Variants in EXOC1 observed in about 807,000 individuals in gnomAD.
EXOC1 encodes the protein exocyst complex component 1.
In EXOC1, 67 loss-of-function variants were observed where a neutral mutation model predicts 107.7. The ratio of observed to expected loss-of-function variants is 0.62; its 90% CI spans 0.51 to 0.76. EXOC1 has a LOEUF of 0.76. Ranked by LOEUF, EXOC1 falls within the 30% of genes least tolerant of loss-of-function variation. The pLI is 0.00. For synonymous variants in EXOC1, 348 were observed against 353.5 expected (o/e 0.98, Z 0.17); for missense variants, 833 against 1,055.7 (o/e 0.79, Z 2.92).
In EXOC1 at chr4:55,885,911, T is replaced by C. The variant is rs138455019; in HGVS notation, c.1330+1983T>C. Reference sequence around the variant, plus strand: ...AAAGATATCTTTTCAGTGATTCAAATTGTGTTTGAATGAATTTTTCATACT... The same window carrying C: ...AAAGATATCTTTTCAGTGATTCAAACTGTGTTTGAATGAATTTTTCATACT... On this transcript the variant is annotated intron_variant, in intron 10 of 18. Coordinates refer to ENST00000381295, the MANE Select transcript of EXOC1 (RefSeq NM_001024924.2). 1.4e-3 allele frequency among the ~76,000 whole-genome samples: 210 copies of C among 152,304 alleles called. 7 individuals are homozygous for C. In the East Asian group the frequency reaches 0.035, roughly 25 times the overall value.
At chr4:55,877,506 A>T (rs73238384) in intron 8 of EXOC1, 76,385 of 984,628 alleles carry the variant, frequency 0.078, 3,230 homozygotes, top group Non-Finnish European at 0.085. Context: ...CTCTAATGGG[A>T]ATACCATAAA....
rs934811349 is a variant in EXOC1 at position 55,875,677 on chromosome 4, G to A, written c.1075-2240G>A. On this transcript the variant is annotated intron_variant, in intron 8 of 18. Transcript: ENST00000381295. ...AATGAGGAAGATTGTTTTGGATAAC[G>A]ATACATTGTTACTAATAAAAACTAT... is the stretch of plus-strand genomic sequence containing the variant. 2.2e-5 allele frequency: 22 copies of A among 984,784 alleles called. No homozygotes were observed. In the South Asian group the frequency reaches 4.2e-4, roughly 19 times the overall value. The allele number at this position is 984,784 out of a possible 1,614,324, so 61.0% of individuals were successfully genotyped here. A position where few individuals can be genotyped will look rare whatever the true frequency, so the allele number is the denominator to read the frequency against.
intron 9 of EXOC1, 151 bp downstream of exon 9, chr4:55,878,217 C>G (rs540787444): frequency 3.4e-6 from 3 of 892,544 alleles, no homozygotes; most frequent in Non-Finnish European, 4.9e-6. Flanking sequence ...TGATAACATT[C>G]ATTTTATTAA....
chr4:55,892,577 CA>C, intron 13 of EXOC1, 57 bp from the exon 14 acceptor site: 1 of 1,418,368 alleles, frequency 7.1e-7, no homozygotes, highest in South Asian at 1.2e-5. Flanking sequence ...TTTGCTATAT[CA>C]ATACTAGTCA....
chr4:55,899,074 T>G (rs1725586044), intron 16 of EXOC1, among the ~76,000 whole-genome samples: 1 of 152,128 alleles, frequency 6.6e-6, no homozygotes, highest in Non-Finnish European at 1.5e-5. Flanking sequence ...ATCTTTTTAT[T>G]CTTTGTCAAC....
intron 18 of EXOC1, among the ~76,000 whole-genome samples, chr4:55,902,773 TTTGGTTGG>T (rs6148450): frequency 0.29 from 43,401 of 149,824 alleles, 6,642 homozygotes; most frequent in Non-Finnish European, 0.35. Context: ...TTTGTTTTTC[TTTGGTTGG>T]TTGGTTGGTT....
intron 14 of EXOC1, 56 bp from the exon 15 acceptor site, chr4:55,893,496 G>A (rs1724825925): frequency 4.1e-6 from 6 of 1,468,248 alleles, no homozygotes; most frequent in African/African-American, 1.4e-5. Context: ...AAAGTTAACG[G>A]TGAATTCACC....
intron 1 of EXOC1, among the ~76,000 whole-genome samples, chr4:55,856,265 C>G (rs190869425): frequency 1.3e-5 from 2 of 152,250 alleles, no homozygotes; most frequent in African/African-American, 4.8e-5. Context: ...AAAACAAGAT[C>G]AGCTGGTCTA....
chr4:55,875,640 T>C (rs1722828466), intron 8 of EXOC1: 2 of 985,194 alleles, frequency 2.0e-6, no homozygotes, highest in East Asian at 1.1e-4. Context: ...TCTTGAATCA[T>C]TGAGAAAAAT....
chr4:55,902,279 A>AT (rs1421561961), intron 17 of EXOC1, 65 bp from the exon 18 acceptor site: 2 of 1,258,420 alleles, frequency 1.6e-6, no homozygotes, highest in Admixed American at 3.6e-5. Flanking sequence ...TTGTAATCAG[A>AT]TTTTTTTAAT....
chr4:55,887,835 A>G (rs568880123), intron 10 of EXOC1, among the ~76,000 whole-genome samples: 7 of 152,100 alleles, frequency 4.6e-5, no homozygotes, highest in Non-Finnish European at 1.0e-4. Flanking sequence ...CAGATTGGCT[A>G]GCTAGTAGCT....
chr4:55,899,400 G>A (rs1489643065), intron 16 of EXOC1, among the ~76,000 whole-genome samples: 1 of 152,044 alleles, frequency 6.6e-6, no homozygotes, highest in Non-Finnish European at 1.5e-5. Context: ...AAATGGTCCA[G>A]CCGGTTGTCC....
intron 4 of EXOC1, among the ~76,000 whole-genome samples, chr4:55,864,781 A>G (rs1721802188): frequency 1.3e-5 from 2 of 152,228 alleles, no homozygotes; most frequent in South Asian, 4.1e-4. Flanking sequence ...GTATTCCATT[A>G]TATGGATATA....
chr4:55,860,371 G>A, intron 2 of EXOC1, 40 bp from the exon 3 acceptor site: 1 of 1,608,990 alleles, frequency 6.2e-7, no homozygotes, highest in Non-Finnish European at 8.5e-7. Flanking sequence ...TGAGTGAAAG[G>A]GGTAATATTT....
At chr4:55,863,575 G>T (rs939417245) in intron 3 of EXOC1, among the ~76,000 whole-genome samples, 20 of 152,150 alleles carry the variant, frequency 1.3e-4, no homozygotes, top group Admixed American at 3.9e-4. Context: ...TTGCACCACT[G>T]CATTGTAGCC....
intron 1 of EXOC1, among the ~76,000 whole-genome samples, chr4:55,857,168 C>CTTTTTTT (rs71192052): frequency 0.02 from 1,329 of 66,006 alleles, 22 homozygotes; most frequent in Non-Finnish European, 0.023. Context: ...TCCTTTTTTT[C>CTTTTTTT]TTTTTTTTTT....
Position 55,878,030 on chromosome 4 carries a change from G to C in EXOC1, c.1188G>C (p.Lys396Asn). ...LRYAKLMEWL[K>N]STDYGKYEGL... Reference sequence around the variant, plus strand: ...ATGCCAAGCTGATGGAGTGGCTAAAGAGTACAGATTATGGAAAATATGAAG... The same window carrying C: ...ATGCCAAGCTGATGGAGTGGCTAAACAGTACAGATTATGGAAAATATGAAG... The change falls in exon 9 of 19, where the codon AAG (lysine) becomes AAC (asparagine). Residue 396 changes from lysine to asparagine, a missense_variant. This residue lies in a region of EXOC1 where 617 missense variants were observed against 701.3 expected (regional missense o/e 0.88). Coordinates refer to ENST00000381295, the MANE Select transcript of EXOC1 (RefSeq NM_001024924.2). 6.2e-7 allele frequency: 1 copy of C among 1,613,778 alleles called. No individual in the cohort carries two copies. Among genetic ancestry groups the C allele is most frequent in the Non-Finnish European group, 8.5e-7 (1 of 1,179,820 alleles).
At chr4:55,901,546 T>C (rs1725918725) in intron 17 of EXOC1, among the ~76,000 whole-genome samples, 1 of 152,012 alleles carries the variant, frequency 6.6e-6, no homozygotes, top group Non-Finnish European at 1.5e-5. Flanking sequence ...ATAAAAAATC[T>C]TACTAAAATC....
At chr4:55,898,992 C>G (rs1725572373) in intron 16 of EXOC1, among the ~76,000 whole-genome samples, 1 of 152,012 alleles carries the variant, frequency 6.6e-6, no homozygotes. Context: ...ATACAGAAAG[C>G]TTATGTCAGT....
Sources: gnomAD v4.1 joint callset for allele counts (sites outside exome capture counted in the v4.1 genomes callset) on GRCh38, gnomAD v4.1.1 for gene constraint, gnomAD v4.1.1 regional missense constraint, MANE v1.5 for transcripts, NCBI Gene and HGNC (gene_info 2026-07-23, HGNC 2026-07-21) for gene names.